Variants in EI24 observed in about 807,000 individuals in gnomAD.
The protein encoded by EI24 is etoposide-induced protein 2.4 homolog.
A neutral mutation model predicts 48.6 loss-of-function variants in EI24; 21 were observed. The ratio of observed to expected loss-of-function variants is 0.43; its 90% CI spans 0.31 to 0.62. The LOEUF (loss-of-function observed/expected upper bound fraction) is 0.62. Ranked by LOEUF, EI24 falls within the 20% of genes least tolerant of loss-of-function variation. The probability of loss-of-function intolerance (pLI) is 0.10; values close to 1 mark genes in which losing one functional copy is unlikely to be tolerated. For synonymous variants in EI24, 114 were observed against 145.5 expected (o/e 0.78, Z 1.56); for missense variants, 280 against 410.5 (o/e 0.68, Z 2.75).
At chr11:125,573,863 G>A (rs1938629442) in intron 2 of EI24, among the ~76,000 whole-genome samples, 1 of 151,478 alleles carries the variant, frequency 6.6e-6, no homozygotes, top group Non-Finnish European at 1.5e-5. Flanking sequence ...TATATTTTTA[G>A]TAGAGACGGA....
rs762050242 is a variant in EI24, at chr11:125,575,363, T to C, written c.143T>C (p.Val48Ala). The C allele has an allele frequency of 1.3e-6, 2 of 1,591,604 alleles. No individual in the cohort carries two copies. The highest frequency in any genetic ancestry group is 1.7e-6 in the Non-Finnish European group (2 of 1,169,086). ...EEQRRRRASS[V>A]LAQRRAQSIE... ...CAGCGTCGAAGAAGGGCAAGTAGTG[T>C]CTTGGCACAGAGAAGAGCCCAGAGT... Residue 48 changes from valine to alanine, a missense_variant, in exon 3 of 11, where the codon GTC (valine) becomes GCC (alanine). By Grantham distance (64) the Val-to-Ala change is moderately conservative (BLOSUM62 0). Coordinates refer to ENST00000278903, the MANE Select transcript of EI24 (RefSeq NM_004879.5).
At chr11:125,572,607 C>CTTT in intron 2 of EI24, 38 bp downstream of exon 2, 5 of 1,386,210 alleles carry the variant, frequency 3.6e-6, no homozygotes, top group Non-Finnish European at 5.0e-6. Context: ...ATCTCTCGGC[C>CTTT]TTTTTTTTTT....
In EI24 at chr11:125,582,339, T is replaced by TTA; in HGVS notation, c.786-7_786-6insTA. Reference sequence around the variant, plus strand: ...ACTAATTATTTCTTTTTTTTTTTTTTAAACAGTGGCTGCCTTTTCTCTATC... The same window carrying TTA: ...ACTAATTATTTCTTTTTTTTTTTTTTTAAAACAGTGGCTGCCTTTTCTCTATC... On this transcript the variant is annotated splice_polypyrimidine_tract_variant and splice_region_variant and intron_variant, in intron 9 of 10. Coordinates refer to ENST00000278903, the MANE Select transcript of EI24 (RefSeq NM_004879.5). 1 of 1,533,996 alleles carries TTA rather than the reference T, an allele frequency of 6.5e-7. No individual in the cohort carries two copies. Among genetic ancestry groups the TTA allele is most frequent in the Non-Finnish European group, 8.8e-7 (1 of 1,142,384 alleles).
chr11:125,576,134 G>A (rs1938739744), intron 3 of EI24, 121 bp from the exon 4 acceptor site: 2 of 944,994 alleles, frequency 2.1e-6, no homozygotes, highest in Admixed American at 4.4e-5. Flanking sequence ...AACATTGGGA[G>A]AACATGAGGC....
At chr11:125,577,100 G>T (rs1023787276) in intron 4 of EI24, among the ~76,000 whole-genome samples, 3 of 151,980 alleles carry the variant, frequency 2.0e-5, no homozygotes, top group Non-Finnish European at 2.9e-5. Flanking sequence ...ATTTATTTAT[G>T]TATTTATTTG....
chr11:125,578,067 G>T (rs1938821254), intron 5 of EI24, 66 bp from the exon 6 acceptor site: 17 of 1,594,370 alleles, frequency 1.1e-5, no homozygotes, highest in Middle Eastern at 2.3e-4. Flanking sequence ...ACGAGATGGG[G>T]GTTCCGCATT....
chr11:125,571,739 G>A (rs1190238113), intron 1 of EI24, among the ~76,000 whole-genome samples: 4 of 152,072 alleles, frequency 2.6e-5, no homozygotes, highest in African/African-American at 4.8e-5. Flanking sequence ...TTAGCTGGGC[G>A]TGGTGGCGGG....
At chr11:125,575,199 C>T in intron 2 of EI24, 64 bp from the exon 3 acceptor site, 1 of 1,426,874 alleles carries the variant, frequency 7.0e-7, no homozygotes, top group Non-Finnish European at 9.4e-7. Context: ...TGCACTGTAG[C>T]TTGGGTGACA....
chr11:125,573,594 TA>T, intron 2 of EI24: 1 of 228,506 alleles, frequency 4.4e-6, no homozygotes, highest in Non-Finnish European at 9.4e-6. Flanking sequence ...GGCAAGAAAG[TA>T]AAAAGGTTAT....
intron 10 of EI24, 67 bp from the exon 11 acceptor site, chr11:125,583,454 G>C (rs1939096614): frequency 2.3e-6 from 3 of 1,328,648 alleles, no homozygotes; most frequent in Non-Finnish European, 3.1e-6. Context: ...TTAATGTCAA[G>C]TTGTCAAACA....
chr11:125,576,669 G>A (rs1938760620), intron 4 of EI24, among the ~76,000 whole-genome samples: 1 of 152,154 alleles, frequency 6.6e-6, no homozygotes, highest in Middle Eastern at 3.2e-3. Flanking sequence ...ACAAGAACAA[G>A]GTTCTCCCTG....
In EI24 at chr11:125,572,675, C is replaced by A. The variant is rs1298698117; in HGVS notation, c.42+106C>A. 9.4e-6 allele frequency: 10 copies of A among 1,066,844 alleles called. No individual in the cohort carries two copies. In the East Asian group the frequency reaches 2.3e-4, roughly 24 times the overall value. The allele number at this position is 1,066,844 out of a possible 1,614,324, so 66.1% of individuals were successfully genotyped here. A position where few individuals can be genotyped will look rare whatever the true frequency, so the allele number is the denominator to read the frequency against. On this transcript the variant is annotated intron_variant, in intron 2 of 10. Transcript: ENST00000278903. ...GGTTTTTGGAACTTTTATCATATTT[C>A]TTGGGTTCTTTACATAAAGGTTGTT... is the stretch of plus-strand genomic sequence containing the variant.
At chr11:125,575,528 A>AT (rs1403672960) in intron 3 of EI24, 120 bp downstream of exon 3, 1 of 1,175,030 alleles carries the variant, frequency 8.5e-7, no homozygotes, top group Non-Finnish European at 1.1e-6. Context: ...GTTGCAAGTG[A>AT]TTTCCCCCCA....
At chr11:125,574,783 C>T (rs1388384575) in intron 2 of EI24, 8 of 153,610 alleles carry the variant, frequency 5.2e-5, no homozygotes, top group Non-Finnish European at 1.2e-4. Context: ...GGCTCCTGTG[C>T]ATGACACACA....
At chr11:125,582,888 A>C (rs756291722) in intron 10 of EI24, among the ~76,000 whole-genome samples, 5 of 152,192 alleles carry the variant, frequency 3.3e-5, no homozygotes, top group Non-Finnish European at 5.9e-5. Flanking sequence ...TTATCTTAAG[A>C]GGAATATTTG....
At chr11:125,581,537 C>CTTTTTTTTTTT (rs33956827) in intron 9 of EI24, among the ~76,000 whole-genome samples, 2 of 50,752 alleles carry the variant, frequency 3.9e-5, no homozygotes, top group African/African-American at 8.4e-5. Flanking sequence ...AGCAATTATT[C>CTTTTTTTTTTT]TTTTTTTTTT....
intron 1 of EI24, chr11:125,570,548 T>G (rs778193609): frequency 2.0e-5 from 3 of 152,204 alleles, no homozygotes; most frequent in Non-Finnish European, 4.4e-5. Context: ...AAACCAGGTG[T>G]TAGCTGGCCA....
rs1255568465 is a variant in EI24, at chr11:125,575,359, A to G, written c.139A>G (p.Ser47Gly). The stretch of plus-strand genomic sequence containing the variant: ...GGAGCAGCGTCGAAGAAGGGCAAGT[A>G]GTGTCTTGGCACAGAGAAGAGCCCA... ...REEQRRRRAS[S>G]VLAQRRAQSI... The change falls in exon 3 of 11, where the codon AGT becomes GGT. Residue 47 changes from serine (S) to glycine (G), a missense_variant. Physicochemically the swap from Ser to Gly is moderately conservative, Grantham distance 56. Transcript: ENST00000278903. 6.3e-7 allele frequency: 1 copy of G among 1,590,680 alleles called. No homozygotes were observed. The highest frequency in any genetic ancestry group is 8.6e-7 in the Non-Finnish European group (1 of 1,168,556).
At chr11:125,575,523 A>G (rs1455483750) in intron 3 of EI24, 115 bp downstream of exon 3, 42 of 1,229,436 alleles carry the variant, frequency 3.4e-5, no homozygotes, top group Non-Finnish European at 4.3e-5. Flanking sequence ...AAAATGTTGC[A>G]AGTGATTTCC....
Sources: gnomAD v4.1 joint callset for allele counts (sites outside exome capture counted in the v4.1 genomes callset) on GRCh38, gnomAD v4.1.1 for gene constraint, MANE v1.5 for transcripts, NCBI Gene and HGNC (gene_info 2026-07-23, HGNC 2026-07-21) for gene names.